Variants in GRAP observed in about 807,000 individuals in gnomAD.
GRAP encodes GRB2-related adapter protein.
A neutral mutation model predicts 9.1 loss-of-function variants in GRAP; 2 were observed. The observed-to-expected ratio is 0.22, with a 90% CI of 0.09 to 0.69. GRAP has a LOEUF of 0.69. Among genes scored for constraint, GRAP ranks in the 30% least tolerant of loss-of-function variants. The pLI is 0.81. For missense variants in GRAP, 113 were observed against 179.4 expected (o/e 0.63, Z 2.12); for synonymous variants, 68 against 73.6 (o/e 0.92, Z 0.39).
rs1185292303 is a variant in GRAP, at chr17:19,024,485, C to T, written c.300-102G>A. ...TACCACCTGGAACCAGCCTGTCTCACGGTGGGACCTGGAGTCAGATAAGGT... is the reference window on the plus strand; with the variant it reads ...TACCACCTGGAACCAGCCTGTCTCATGGTGGGACCTGGAGTCAGATAAGGT... On this transcript the variant is annotated intron_variant, in intron 3 of 4. Transcript: ENST00000284154. This position sits in a 1 kb window ranked among gnomAD's most constrained non-coding sequence, Gnocchi z 4.2. The T allele has an allele frequency of 1.9e-5, 28 of 1,491,796 alleles. No homozygotes were observed. The highest frequency in any genetic ancestry group is 2.8e-5 in the African/African-American group (2 of 71,560). 92.4% of individuals were successfully genotyped at this position (1,491,796 alleles called of 1,614,324 possible).
intron 4 of GRAP, among the ~76,000 whole-genome samples, chr17:19,023,478 C>T (rs1286596503): frequency 6.6e-6 from 1 of 152,168 alleles, no homozygotes; most frequent in Non-Finnish European, 1.5e-5. Flanking sequence ...GCCAGCATCC[C>T]CGCTCCTGAA....
In GRAP at chr17:19,024,550, G is replaced by A. The variant is rs1332586808; in HGVS notation, c.300-167C>T. The A allele has an allele frequency of 2.7e-6, 2 of 734,190 alleles. No homozygotes were observed. Among genetic ancestry groups the A allele is most frequent in the Admixed American group, 6.3e-5 (1 of 15,980 alleles). The allele number at this position is 734,190 out of a possible 1,614,324, so 45.5% of individuals were successfully genotyped here. ...CCCCACTGACCCAGCTCCACATGGG[G>A]TCTGGGGAGTCCCATCTGGCAGTGG... On this transcript the variant is annotated intron_variant, in intron 3 of 4. Coordinates refer to ENST00000284154, the MANE Select transcript of GRAP (RefSeq NM_006613.4). This position sits in a 1 kb window ranked among gnomAD's most constrained non-coding sequence, Gnocchi z 4.2.
Position 19,021,818 on chromosome 17 carries a change from G to T in GRAP, c.*141C>A, listed in dbSNP as rs1459750572. The T allele has an allele frequency of 1.2e-6, 1 of 827,862 alleles. No individual in the cohort carries two copies. The highest frequency in any genetic ancestry group is 3.6e-5 in the South Asian group (1 of 28,096). The allele number at this position is 827,862 out of a possible 1,614,324, so 51.3% of individuals were successfully genotyped here. A position where few individuals can be genotyped will look rare whatever the true frequency, so the allele number is the denominator to read the frequency against. On this transcript the variant is annotated 3_prime_UTR_variant, in exon 5 of 5. Coordinates refer to ENST00000284154, the MANE Select transcript of GRAP (RefSeq NM_006613.4). This position sits in a 1 kb window ranked among gnomAD's most constrained non-coding sequence, Gnocchi z 4.1. ...CCATCCCAGTTTGTGCAGAGCGGCC[G>T]GAGGCAGTTAGGAGCCCACGTTCAG...
In GRAP at chr17:19,024,368, C is replaced by T. The variant is rs1267459174; in HGVS notation, c.315G>A (p.Val105=). Residue 105 remains valine, a synonymous_variant, in exon 4 of 5, where the codon GTG becomes GTA. Transcript: ENST00000284154. The surrounding 1 kb of genome is among the most constrained non-coding windows in gnomAD (Gnocchi z 4.2). ...FSVSVNYGDQ[V]QHFKVLREAS... ...CCTCACGCAGCACCTTGAAGTGCTG[C>T]ACCTGGTCTCCATAGCTAGGGGAAA... 6 of 1,611,570 alleles carry T rather than the reference C, an allele frequency of 3.7e-6. No individual in the cohort carries two copies. The highest frequency in any genetic ancestry group is 5.1e-6 in the Non-Finnish European group (6 of 1,179,460).
rs1319050907 is a variant in GRAP, at chr17:19,024,676, A to G, written c.300-293T>C. On this transcript the variant is annotated intron_variant, in intron 3 of 4. Coordinates refer to ENST00000284154, the MANE Select transcript of GRAP (RefSeq NM_006613.4). This position sits in a 1 kb window ranked among gnomAD's most constrained non-coding sequence, Gnocchi z 4.2. The stretch of plus-strand genomic sequence containing the variant: ...AACTTCTCTGAACCTCAGTTTTCTC[A>G]TAATGATAACATCTCCGTTATGGAT... 2.0e-5 allele frequency among the ~76,000 whole-genome samples: 3 copies of G among 152,154 alleles called. No individual in the cohort carries two copies. The highest frequency in any genetic ancestry group is 7.2e-5 in the African/African-American group (3 of 41,426).
At chr17:19,025,223 G>A (rs188919341) in intron 3 of GRAP, among the ~76,000 whole-genome samples, 9 of 135,436 alleles carry the variant, frequency 6.6e-5, no homozygotes, top group Non-Finnish European at 1.1e-4. Flanking sequence ...GCGGAGTCTC[G>A]CTCTGTCACC....
At chr17:19,050,128 CA>C (rs1318395494), upstream of GRAP, among the ~76,000 whole-genome samples, 1 of 6,224 alleles carries the variant, frequency 1.6e-4, no homozygotes, top group African/African-American at 5.9e-4. Flanking sequence ...AAAAAAAAAA[CA>C]AAAAAACAAC....
chr17:19,048,140 A>G (rs1353360179), upstream of GRAP, among the ~76,000 whole-genome samples: 1 of 114,148 alleles, frequency 8.8e-6, no homozygotes, highest in Non-Finnish European at 1.9e-5. Flanking sequence ...AGCCTGGGTG[A>G]CAGAGCGAGT....
At chr17:19,027,479 C>CGT (rs1362145920) in intron 3 of GRAP, among the ~76,000 whole-genome samples, 59 of 90,620 alleles carry the variant, frequency 6.5e-4, no homozygotes, top group Admixed American at 1.6e-3. Context: ...TGCGCGCGCG[C>CGT]GCGCGCACAC....
intron 4 of GRAP, among the ~76,000 whole-genome samples, chr17:19,023,006 T>C (rs148398873): frequency 3.5e-4 from 53 of 152,218 alleles, no homozygotes; most frequent in African/African-American, 1.1e-3. Context: ...GTAGGGGAGC[T>C]CTCAGTTGCC....
chr17:19,020,964 T>C lies in GRAP; in HGVS notation c.*995A>G, dbSNP rs541218993. On this transcript the variant is annotated 3_prime_UTR_variant, in exon 5 of 5. Coordinates refer to ENST00000284154, the MANE Select transcript of GRAP (RefSeq NM_006613.4). The stretch of plus-strand genomic sequence containing the variant: ...GCCTGGCGTTCAAAGCCTTTCCAAG[T>C]CCCACCTCACTTTTCCCTCTCCCAA... The C allele has an allele frequency of 6.4e-6, 1 of 156,812 alleles. No homozygotes were observed. Among genetic ancestry groups the C allele is most frequent in the African/African-American group, 2.4e-5 (1 of 41,542 alleles). The allele number at this position is 156,812 out of a possible 1,614,324, so 9.7% of individuals were successfully genotyped here.
In GRAP at chr17:19,021,921, G is replaced by T. The variant is rs1325222829; in HGVS notation, c.*38C>A. On this transcript the variant is annotated 3_prime_UTR_variant, in exon 5 of 5. Transcript: ENST00000284154. This position sits in a 1 kb window ranked among gnomAD's most constrained non-coding sequence, Gnocchi z 4.1. ...ATGTCCTCTCTGGACCTCAGTTCCT[G>T]TAAAAAGGCCCGTTGGCCAGATCGG... 3.4e-6 allele frequency: 5 copies of T among 1,460,802 alleles called. No individual in the cohort carries two copies. The highest frequency in any genetic ancestry group is 4.5e-6 in the Non-Finnish European group (5 of 1,106,256). The allele number at this position is 1,460,802 out of a possible 1,614,324, so 90.5% of individuals were successfully genotyped here.
intron 4 of GRAP, chr17:19,022,514 C>G (rs2044280405): frequency 4.5e-6 from 1 of 220,814 alleles, no homozygotes; most frequent in Non-Finnish European, 8.8e-6. Flanking sequence ...GCTTTTGACT[C>G]CAGGCCACAA....
rs1162097010 is a variant in GRAP at position 19,043,839 on chromosome 17, C to T, written c.79-1935G>A. On this transcript the variant is annotated intron_variant, in intron 1 of 4. Coordinates refer to ENST00000284154, the MANE Select transcript of GRAP (RefSeq NM_006613.4). ...CCTGCCCTGCATGCAGCAGTGCGGA[C>T]ACTGGGTGGAATACGTCTCATGCAG... Among the ~76,000 whole-genome samples, 5 of 150,790 alleles carry T rather than the reference C, an allele frequency of 3.3e-5. No homozygotes were observed. In the East Asian group the frequency reaches 9.9e-4, roughly 30 times the overall value.
intron 3 of GRAP, among the ~76,000 whole-genome samples, chr17:19,027,617 CT>C (rs1202482055): frequency 1.5e-5 from 2 of 134,224 alleles, no homozygotes; most frequent in African/African-American, 2.7e-5. Flanking sequence ...GCCTGAGTTC[CT>C]TCAGGTCTAT....
Position 19,030,233 on chromosome 17 carries a change from A to G in GRAP, c.299+5725T>C, listed in dbSNP as rs1363885129. The G allele has an allele frequency of 8.4e-5, 34 of 406,248 alleles. 3 individuals are homozygous for G. Among genetic ancestry groups the G allele is most frequent in the Middle Eastern group, 4.5e-4 (1 of 2,212 alleles). The allele number at this position is 406,248 out of a possible 1,614,324, so 25.2% of individuals were successfully genotyped here. On this transcript the variant is annotated intron_variant, in intron 3 of 4. Coordinates refer to ENST00000284154, the MANE Select transcript of GRAP (RefSeq NM_006613.4). ...CGAGTTTTTCTGGCCTGGTGGCGGCAGCAGCAGCAGCAGCAGCAGCAGCAG... is the reference window on the plus strand; with the variant it reads ...CGAGTTTTTCTGGCCTGGTGGCGGCGGCAGCAGCAGCAGCAGCAGCAGCAG...
intron 4 of GRAP, among the ~76,000 whole-genome samples, chr17:19,023,251 C>T (rs1039950376): frequency 1.3e-5 from 2 of 152,164 alleles, no homozygotes; most frequent in Admixed American, 6.5e-5. Flanking sequence ...GCATATCAGA[C>T]CCCAGGGCTC....
chr17:19,025,053 C>A (rs1386015983), intron 3 of GRAP, among the ~76,000 whole-genome samples: 3 of 152,204 alleles, frequency 2.0e-5, no homozygotes, highest in Non-Finnish European at 2.9e-5. Context: ...TTTATATCCT[C>A]TCCGATGAAG....
At chr17:19,041,143 GC>G (rs1344138461) in intron 2 of GRAP, among the ~76,000 whole-genome samples, 2 of 132,104 alleles carry the variant, frequency 1.5e-5, no homozygotes, top group Non-Finnish European at 3.3e-5. Flanking sequence ...TGGGCCCCAT[GC>G]CTGTTCTGAG....
Sources: allele counts gnomAD v4.1 joint callset (sites outside exome capture counted in the v4.1 genomes callset), GRCh38; gene constraint gnomAD v4.1.1; non-coding constraint Gnocchi (gnomAD v3.1); transcripts MANE v1.5; gene names NCBI Gene and HGNC (gene_info 2026-07-23, HGNC 2026-07-21).